ADAM32: variants seen among roughly 807,000 people sequenced by gnomAD.
ADAM32 encodes ADAM metallopeptidase domain 32, also known as disintegrin and metalloproteinase domain-containing protein 32.
ADAM32 carries 89 observed loss-of-function variants against 114.9 expected under a neutral mutation model. The ratio of observed to expected loss-of-function variants is 0.77; its 90% confidence interval spans 0.65 to 0.92. The LOEUF (loss-of-function observed/expected upper bound fraction) is 0.92. ADAM32 is among the 40% of genes least tolerant of loss of function. ADAM32 has a pLI of 0.00. For missense variants in ADAM32, 870 were observed against 932.8 expected (o/e 0.93, Z 0.88); for synonymous variants, 285 against 307.5 (o/e 0.93, Z 0.77).
chr8:39,164,939 G>T, intron 8 of ADAM32, 91 bp from the exon 9 acceptor site: 3 of 1,482,866 alleles, frequency 2.0e-6, no homozygotes, highest in Non-Finnish European at 2.8e-6. Flanking sequence ...CATATAAACT[G>T]AGTGTGGGAT....
intron 1 of ADAM32, chr8:39,108,173 T>G: frequency 1.6e-5 from 3 of 188,988 alleles, no homozygotes; most frequent in Non-Finnish European, 1.1e-5. Context: ...TGATCCCAGC[T>G]ACCCGGGAGG....
chr8:39,223,154 C>T lies in ADAM32; in HGVS notation c.1441C>T (p.Leu481Phe), dbSNP rs1809100978. ...CGPDITLINGLSCKNNKFICY... is the reference protein window; with the variant it reads ...CGPDITLINGFSCKNNKFICY... Reference sequence around the variant, plus strand: ...TCCTGACATAACTTTAATCAATGGACTTTCATGCAAAAATAATAAGTTTAT... The same window carrying T: ...TCCTGACATAACTTTAATCAATGGATTTTCATGCAAAAATAATAAGTTTAT... The change falls in exon 14 of 25, where the codon CTT becomes TTT. Residue 481 changes from leucine (L) to phenylalanine (F), a missense_variant. By Grantham distance (22) the Leu-to-Phe change is conservative. Transcript: ENST00000379907. 6.3e-7 allele frequency: 1 copy of T among 1,599,446 alleles called. No individual in the cohort carries two copies. The highest frequency in any genetic ancestry group is 1.7e-5 in the Admixed American group (1 of 57,634).
chr8:39,137,401 T>A (rs1445650600), intron 3 of ADAM32, among the ~76,000 whole-genome samples: 1 of 152,122 alleles, frequency 6.6e-6, no homozygotes, highest in Non-Finnish European at 1.5e-5. Context: ...TACATGAATA[T>A]TTTTGAAGAA....
upstream of ADAM32, chr8:39,107,715 C>G: frequency 3.2e-6 from 5 of 1,549,210 alleles, no homozygotes; most frequent in Non-Finnish European, 3.5e-6. Flanking sequence ...CGCGCGTCCC[C>G]GCGTCCCTGG....
At chr8:39,119,183 T>C (rs1840498110) in intron 2 of ADAM32, among the ~76,000 whole-genome samples, 2 of 152,222 alleles carry the variant, frequency 1.3e-5, no homozygotes, top group African/African-American at 4.8e-5. Flanking sequence ...ATAATTCTTT[T>C]ATGAACATTC....
chr8:39,257,383 A>G (rs1259733976), intron 19 of ADAM32, 40 bp downstream of exon 19: 1 of 1,603,514 alleles, frequency 6.2e-7, no homozygotes, highest in Admixed American at 1.7e-5. Context: ...CATTAGTACC[A>G]TTTGAATCTA....
intron 18 of ADAM32, among the ~76,000 whole-genome samples, chr8:39,256,668 T>A (rs1811666930): frequency 6.6e-6 from 1 of 151,972 alleles, no homozygotes; most frequent in Non-Finnish European, 1.5e-5. Context: ...ATGTATCCAG[T>A]GATAGCAAGG....
intron 9 of ADAM32, chr8:39,168,385 C>T (rs1388263330): frequency 6.6e-6 from 1 of 152,170 alleles, no homozygotes; most frequent in Non-Finnish European, 1.5e-5. Context: ...CCAGTAGATA[C>T]CCTCAAGGAG....
At chr8:39,108,074 G>A (rs2129443830) in intron 1 of ADAM32, 1 of 471,200 alleles carries the variant, frequency 2.1e-6, no homozygotes, top group East Asian at 3.6e-5. Context: ...GTTTGACCTC[G>A]GAGTTGGAGA....
intron 17 of ADAM32, 55 bp downstream of exon 17, chr8:39,246,221 C>T: frequency 1.3e-6 from 2 of 1,528,334 alleles, no homozygotes; most frequent in Admixed American, 1.8e-5. Context: ...TTTTGCATCA[C>T]TCATTAATTT....
chr8:39,204,189 A>G (rs1430418867), intron 11 of ADAM32, among the ~76,000 whole-genome samples: 3 of 152,016 alleles, frequency 2.0e-5, no homozygotes, highest in Admixed American at 1.3e-4. Context: ...GCCTTGCTAG[A>G]TTGGGGAAGT....
chr8:39,226,253 C>G (rs916116441), intron 14 of ADAM32, among the ~76,000 whole-genome samples: 1 of 151,852 alleles, frequency 6.6e-6, no homozygotes, highest in Non-Finnish European at 1.5e-5. Context: ...TTTGAAACAG[C>G]ATCAAGAAAG....
chr8:39,211,118 A>G (rs1456071136), intron 11 of ADAM32, 26 bp from the exon 12 acceptor site: 4 of 1,442,108 alleles, frequency 2.8e-6, no homozygotes, highest in Non-Finnish European at 3.7e-6. Flanking sequence ...TATACTGCCA[A>G]TGACATTATA....
At chr8:39,163,528 A>G (rs1804643112) in intron 7 of ADAM32, among the ~76,000 whole-genome samples, 1 of 152,242 alleles carries the variant, frequency 6.6e-6, no homozygotes, top group South Asian at 2.1e-4. Flanking sequence ...AATTAGTGGC[A>G]TCAAGAATAA....
chr8:39,252,053 T>A (rs1811342359), intron 17 of ADAM32, among the ~76,000 whole-genome samples: 1 of 151,842 alleles, frequency 6.6e-6, no homozygotes, highest in Non-Finnish European at 1.5e-5. Flanking sequence ...GCCGGATTCT[T>A]TATTCTGTTC....
chr8:39,238,881 A>C (rs1020530672), intron 16 of ADAM32, among the ~76,000 whole-genome samples: 1 of 151,982 alleles, frequency 6.6e-6, no homozygotes, highest in African/African-American at 2.4e-5. Flanking sequence ...AAAAAAATAA[A>C]AAATAAAACA....
Position 39,142,697 on chromosome 8 carries a change from C to T in ADAM32, c.201-4433C>T, listed in dbSNP as rs535488656. ...TTATGTGTCTTGGGGTTGCTCTTCC[C>T]GAGGAATATCTTTGTGGTGTTCTTT... On this transcript the variant is annotated intron_variant, in intron 3 of 24. Coordinates refer to ENST00000379907, the MANE Select transcript of ADAM32 (RefSeq NM_145004.7). Among the ~76,000 whole-genome samples, 57 of 152,132 alleles carry T rather than the reference C, an allele frequency of 3.7e-4. No individual in the cohort carries two copies. The South Asian group carries it at 5.0e-3, about 13-fold the overall frequency.
intron 13 of ADAM32, among the ~76,000 whole-genome samples, chr8:39,222,282 A>T (rs1274283114): frequency 6.6e-6 from 1 of 152,050 alleles, no homozygotes. Context: ...CAGGTTTCTC[A>T]TAAGAGAATA....
At position 39,272,515 on chromosome 8, in the gene ADAM32, T is replaced by A. The variant is rs548971440; in HGVS notation, c.2201+1601T>A. On this transcript the variant is annotated intron_variant, in intron 20 of 24. Transcript: ENST00000379907. ...TATAAGCCTGTACAGCATCTTATGG[T>A]ATGGAATACTGTAAGCAACTGTAAC... Among the ~76,000 whole-genome samples the A allele has an allele frequency of 1.2e-3, 189 of 152,312 alleles. 5 individuals are homozygous for A. In the South Asian group the frequency reaches 0.037, roughly 30 times the overall value.
Sources: allele counts gnomAD v4.1 joint callset (sites outside exome capture counted in the v4.1 genomes callset), GRCh38; gene constraint gnomAD v4.1.1; transcripts MANE v1.5; gene names NCBI Gene and HGNC (gene_info 2026-07-23, HGNC 2026-07-21).